SYT10: variants seen among roughly 807,000 people sequenced by gnomAD.
SYT10 encodes the protein synaptotagmin 10, also known as synaptotagmin-10.
In SYT10, 31 loss-of-function variants were observed where a neutral mutation model predicts 51.1. The observed-to-expected ratio is 0.61, with a 90% confidence interval of 0.46 to 0.82. The LOEUF (loss-of-function observed/expected upper bound fraction) is 0.82. Ranked by LOEUF, SYT10 falls within the 40% of genes least tolerant of loss-of-function variation. SYT10 has a pLI of 0.00. For synonymous variants in SYT10, 233 were observed against 225.9 expected, an observed-to-expected ratio of 1.03 and a Z score of -0.28; for missense variants, 603 against 634.0, an observed-to-expected ratio of 0.95 and a Z score of 0.53.
chr12:33,431,271 A>C (rs760813997), intron 1 of SYT10, among the ~76,000 whole-genome samples: 2 of 152,190 alleles, frequency 1.3e-5, no homozygotes, highest in African/African-American at 2.4e-5. Flanking sequence ...GGCTATACCA[A>C]ACTGGAAAGA....
chr12:33,433,527 T>C (rs980840873), intron 1 of SYT10, among the ~76,000 whole-genome samples: 45 of 152,186 alleles, frequency 3.0e-4, no homozygotes, highest in Non-Finnish European at 5.3e-4. Context: ...ATTATATGCG[T>C]TCAAAGTCGT....
chr12:33,410,062 G>A (rs1014652039), intron 2 of SYT10, among the ~76,000 whole-genome samples: 7 of 152,200 alleles, frequency 4.6e-5, no homozygotes, highest in Non-Finnish European at 1.5e-5. Flanking sequence ...AAGGTTAGAT[G>A]CTGAAGAAAA....
chr12:33,375,667 C>T lies in SYT10; in HGVS notation c.*1163G>A, dbSNP rs189139302. Reference sequence around the variant, plus strand: ...ATGCCTTTCATGCAAGGACTGGAGGCCTGGGCCTTTAGAATTAATTTGTTT... The same window carrying T: ...ATGCCTTTCATGCAAGGACTGGAGGTCTGGGCCTTTAGAATTAATTTGTTT... On this transcript the variant is annotated 3_prime_UTR_variant, in exon 7 of 7. Coordinates refer to ENST00000228567, the MANE Select transcript of SYT10 (RefSeq NM_198992.4). The T allele has an allele frequency of 8.8e-4, 134 of 152,150 alleles. 1 individual carries two copies. The highest frequency in any genetic ancestry group is 1.5e-3 in the Non-Finnish European group (104 of 67,964). 9.4% of individuals were successfully genotyped at this position (152,150 alleles called of 1,614,324 possible). A position where few individuals can be genotyped will look rare whatever the true frequency, so the allele number is the denominator to read the frequency against.
intron 2 of SYT10, 76 bp from the exon 3 acceptor site, chr12:33,407,432 C>G (rs182154821): frequency 5.7e-4 from 826 of 1,452,386 alleles, no homozygotes; most frequent in Admixed American, 1.1e-3. Flanking sequence ...GACATATAAA[C>G]TCTTCCCCAC....
chr12:33,407,640 C>T, intron 2 of SYT10, among the ~76,000 whole-genome samples: 1 of 152,170 alleles, frequency 6.6e-6, no homozygotes. Flanking sequence ...GGATCTTGTT[C>T]TGTCACCCTA....
intron 3 of SYT10, among the ~76,000 whole-genome samples, chr12:33,389,121 A>G (rs187110019): frequency 2.0e-5 from 3 of 152,354 alleles, no homozygotes; most frequent in Admixed American, 2.0e-4. Flanking sequence ...ATACTCAGAA[A>G]TAAAATGGTC....
At chr12:33,420,069 T>C (rs1226770927) in intron 2 of SYT10, among the ~76,000 whole-genome samples, 2 of 152,118 alleles carry the variant, frequency 1.3e-5, no homozygotes, top group Admixed American at 6.5e-5. Context: ...CTCAGCTAGG[T>C]TTTGGAGAAA....
At chr12:33,403,967 G>A (rs906061081) in intron 3 of SYT10, among the ~76,000 whole-genome samples, 7 of 152,174 alleles carry the variant, frequency 4.6e-5, no homozygotes, top group Non-Finnish European at 1.0e-4. Context: ...TCTGAATAAT[G>A]TGTGGTTCAA....
In SYT10 at chr12:33,385,694, TG is replaced by T. The variant is rs1362751354; in HGVS notation, c.1078-404del. ...CTATGAGCAACCCATGGGCAAGTCC[TG>T]TCTACACTATCTACAAAATATATCC... is the stretch of plus-strand genomic sequence containing the variant. On this transcript the variant is annotated intron_variant, in intron 3 of 6. Coordinates refer to ENST00000228567, the MANE Select transcript of SYT10 (RefSeq NM_198992.4). Among the ~76,000 whole-genome samples, 3 of 152,336 alleles carry T rather than the reference TG, an allele frequency of 2.0e-5. No individual in the cohort carries two copies. The East Asian group carries it at 5.8e-4, about 29-fold the overall frequency.
chr12:33,426,097 C>CAA (rs1442063632), intron 2 of SYT10, 41 bp downstream of exon 2: 1 of 1,524,722 alleles, frequency 6.6e-7, no homozygotes, highest in Non-Finnish European at 8.8e-7. Context: ...CACACACACA[C>CAA]ACGCACACAC....
chr12:33,417,219 A>G (rs2138424744), intron 2 of SYT10, among the ~76,000 whole-genome samples: 1 of 152,330 alleles, frequency 6.6e-6, no homozygotes, highest in East Asian at 1.9e-4. Flanking sequence ...AGATATGACT[A>G]GGGCATAAGG....
intron 2 of SYT10, among the ~76,000 whole-genome samples, chr12:33,421,611 G>A (rs879827305): frequency 4.6e-5 from 7 of 151,972 alleles, no homozygotes; most frequent in Non-Finnish European, 1.5e-5. Flanking sequence ...TCAATCAAAA[G>A]CATTCAATTG....
At chr12:33,419,074 C>A (rs1431495460) in intron 2 of SYT10, among the ~76,000 whole-genome samples, 1 of 152,106 alleles carries the variant, frequency 6.6e-6, no homozygotes, top group Non-Finnish European at 1.5e-5. Context: ...AAAGCCCTCC[C>A]AGACTCCTCA....
chr12:33,434,285 GC>G (rs1430393969), intron 1 of SYT10, among the ~76,000 whole-genome samples: 1 of 152,112 alleles, frequency 6.6e-6, no homozygotes, highest in African/African-American at 2.4e-5. Context: ...CTGAATTCTA[GC>G]TTTTTAATGT....
chr12:33,376,708 C>T lies in SYT10; in HGVS notation c.*122G>A. On this transcript the variant is annotated 3_prime_UTR_variant, in exon 7 of 7. Coordinates refer to ENST00000228567, the MANE Select transcript of SYT10 (RefSeq NM_198992.4). ...CAATAAAAGCAAATAAAAAAGTGCACATCAAGTTTGTTCATTAGTACGGAT... is the reference window on the plus strand; with the variant it reads ...CAATAAAAGCAAATAAAAAAGTGCATATCAAGTTTGTTCATTAGTACGGAT... 2 of 1,072,102 alleles carry T rather than the reference C, an allele frequency of 1.9e-6. No individual in the cohort carries two copies. Among genetic ancestry groups the T allele is most frequent in the Non-Finnish European group, 2.7e-6 (2 of 737,656 alleles). 66.4% of individuals were successfully genotyped at this position (1,072,102 alleles called of 1,614,324 possible).
chr12:33,431,062 T>C (rs1866592871), intron 1 of SYT10, among the ~76,000 whole-genome samples: 1 of 152,178 alleles, frequency 6.6e-6, no homozygotes, highest in Non-Finnish European at 1.5e-5. Context: ...TTGTTTTACA[T>C]TTTTGCTCTA....
intron 3 of SYT10, among the ~76,000 whole-genome samples, chr12:33,390,447 A>G (rs1156276624): frequency 6.6e-6 from 1 of 152,180 alleles, no homozygotes; most frequent in Non-Finnish European, 1.5e-5. Flanking sequence ...GATATACAAT[A>G]TGAAGTCCCA....
At chr12:33,391,243 T>C (rs79148262) in intron 3 of SYT10, among the ~76,000 whole-genome samples, 1 of 147,194 alleles carries the variant, frequency 6.8e-6, no homozygotes, top group South Asian at 2.1e-4. Flanking sequence ...CTGCTTTTTA[T>C]TTTATTTTAT....
chr12:33,431,152 A>G (rs1285802883), intron 1 of SYT10, among the ~76,000 whole-genome samples: 1 of 152,180 alleles, frequency 6.6e-6, no homozygotes, highest in Non-Finnish European at 1.5e-5. Context: ...TGGATGGAAG[A>G]AGAAGATGGA....
Sources: gnomAD v4.1 joint callset for allele counts (sites outside exome capture counted in the v4.1 genomes callset) on GRCh38, gnomAD v4.1.1 for gene constraint, MANE v1.5 for transcripts, NCBI Gene and HGNC (gene_info 2026-07-23, HGNC 2026-07-21) for gene names.